Variants in KCNH5 observed in about 807,000 individuals in gnomAD.
KCNH5 encodes voltage-gated delayed rectifier potassium channel KCNH5.
Under a neutral mutation model 96.1 loss-of-function variants are expected in KCNH5, and 46 were observed. The observed-to-expected ratio is 0.48, with a 90% confidence interval of 0.38 to 0.61. The LOEUF (loss-of-function observed/expected upper bound fraction) is 0.61, where lower values mean the gene tolerates loss of function less well. Ranked by LOEUF, KCNH5 falls within the 20% of genes least tolerant of loss-of-function variation. The pLI, the probability that KCNH5 is intolerant of heterozygous loss-of-function variation, is 0.00. For synonymous variants in KCNH5, 439 were observed against 449.8 expected (o/e 0.98, Z 0.30); for missense variants, 907 against 1,225.8 (o/e 0.74, Z 3.88).
chr14:62,747,816 A>G (rs1885410627), intron 10 of KCNH5, among the ~76,000 whole-genome samples: 1 of 152,244 alleles, frequency 6.6e-6, no homozygotes, highest in Non-Finnish European at 1.5e-5. Flanking sequence ...GATACTACTC[A>G]TAACAGAGGT....
At chr14:62,788,281 C>T (rs748416312) in intron 9 of KCNH5, among the ~76,000 whole-genome samples, 12 of 152,052 alleles carry the variant, frequency 7.9e-5, no homozygotes, top group South Asian at 2.1e-4. Flanking sequence ...GATGTAGAAA[C>T]GGCAAGACAA....
At chr14:62,846,518 T>A (rs1887694343) in intron 8 of KCNH5, among the ~76,000 whole-genome samples, 1 of 151,880 alleles carries the variant, frequency 6.6e-6, no homozygotes, top group Admixed American at 6.5e-5. Flanking sequence ...CTTGTTTTTT[T>A]GCATTTAATT....
chr14:62,751,413 T>C (rs956821173), intron 10 of KCNH5, among the ~76,000 whole-genome samples: 2 of 152,200 alleles, frequency 1.3e-5, no homozygotes, highest in South Asian at 2.1e-4. Flanking sequence ...AAGGCTCCTC[T>C]AGAGATATGC....
chr14:62,803,103 G>T (rs1038372895), intron 8 of KCNH5, among the ~76,000 whole-genome samples: 6 of 152,122 alleles, frequency 3.9e-5, no homozygotes, highest in Non-Finnish European at 8.8e-5. Flanking sequence ...GTGAGCCAAG[G>T]TCGTGCCACT....
At position 62,950,332 on chromosome 14, in the gene KCNH5, G is replaced by C; in HGVS notation, c.1170C>G (p.Tyr390Ter). Reference protein sequence around the residue: ...TNTIQIDSWLYQLALSIGTPY... With the variant: ...TNTIQIDSWL Reference sequence around the variant, plus strand: ...GAGTCCCAATGCTCAAAGCCAGCTGGTAGAGCCAACTGTCTATTTGGATGG... The same window carrying C: ...GAGTCCCAATGCTCAAAGCCAGCTGCTAGAGCCAACTGTCTATTTGGATGG... Residue 390 changes from tyrosine to a stop codon, truncating the protein, a stop_gained, in exon 7 of 11, where the codon TAC becomes TAG. Transcript: ENST00000322893. LOFTEE classifies it high-confidence loss of function. 6.2e-7 allele frequency: 1 copy of C among 1,613,988 alleles called. No individual in the cohort carries two copies. Among genetic ancestry groups the C allele is most frequent in the Non-Finnish European group, 8.5e-7 (1 of 1,179,966 alleles).
At chr14:62,862,368 T>C (rs1395620051) in intron 7 of KCNH5, among the ~76,000 whole-genome samples, 1 of 152,200 alleles carries the variant, frequency 6.6e-6, no homozygotes, top group Middle Eastern at 3.2e-3. Flanking sequence ...TGAGAAATCA[T>C]GTCTTAATAT....
chr14:62,914,581 C>G (rs17223741), intron 7 of KCNH5, among the ~76,000 whole-genome samples: 3,870 of 152,212 alleles, frequency 0.025, 142 homozygotes, highest in East Asian at 0.086. Flanking sequence ...TCTCTCTTCT[C>G]ACATTTACAT....
chr14:62,862,001 C>T (rs1888044805), intron 7 of KCNH5, among the ~76,000 whole-genome samples: 1 of 152,146 alleles, frequency 6.6e-6, no homozygotes, highest in Non-Finnish European at 1.5e-5. Context: ...TATGGCTCTT[C>T]TCTGTTTATT....
intron 9 of KCNH5, among the ~76,000 whole-genome samples, chr14:62,799,866 T>C (rs1037702576): frequency 4.9e-5 from 7 of 144,296 alleles, no homozygotes; most frequent in Non-Finnish European, 9.0e-5. Context: ...ATTTAATATA[T>C]ATATAATCCC....
chr14:62,855,254 G>C (rs1049843495), intron 7 of KCNH5, among the ~76,000 whole-genome samples: 5 of 152,068 alleles, frequency 3.3e-5, no homozygotes, highest in Non-Finnish European at 1.5e-5. Flanking sequence ...TAACACTTAC[G>C]ACTATGTAGG....
chr14:62,827,191 A>G (rs537997869), intron 8 of KCNH5, among the ~76,000 whole-genome samples: 72 of 152,306 alleles, frequency 4.7e-4, no homozygotes, highest in African/African-American at 1.7e-3. Context: ...ACAGGTGTTT[A>G]TATTTGCAAA....
chr14:62,746,421 T>C (rs1885376668), intron 10 of KCNH5, among the ~76,000 whole-genome samples: 1 of 152,220 alleles, frequency 6.6e-6, no homozygotes. Context: ...AAAAGAATTA[T>C]AATAAAACAT....
At chr14:63,021,913 C>T (rs1373988826) in intron 1 of KCNH5, among the ~76,000 whole-genome samples, 1 of 152,096 alleles carries the variant, frequency 6.6e-6, no homozygotes, top group Non-Finnish European at 1.5e-5. Flanking sequence ...CATTAGAGTG[C>T]CTTCTTTACC....
At chr14:62,818,087 G>T (rs72728762) in intron 8 of KCNH5, among the ~76,000 whole-genome samples, 11 of 137,446 alleles carry the variant, frequency 8.0e-5, no homozygotes, top group Non-Finnish European at 1.4e-4. Flanking sequence ...CAGGGTAAAG[G>T]GTGGCTACCA....
intron 1 of KCNH5, among the ~76,000 whole-genome samples, chr14:63,027,452 A>G (rs545064187): frequency 1.3e-5 from 2 of 150,410 alleles, no homozygotes; most frequent in South Asian, 2.1e-4. Flanking sequence ...TTCCTAGACT[A>G]TCTTTTTAAA....
intron 7 of KCNH5, among the ~76,000 whole-genome samples, chr14:62,892,133 G>C (rs935674168): frequency 2.0e-5 from 3 of 152,142 alleles, no homozygotes; most frequent in African/African-American, 7.2e-5. Context: ...CCAAAAGCTA[G>C]GCTTCTTGCA....
chr14:62,716,546 G>A (rs1276233111), intron 10 of KCNH5, among the ~76,000 whole-genome samples: 1 of 152,090 alleles, frequency 6.6e-6, no homozygotes, highest in Non-Finnish European at 1.5e-5. Context: ...TGCATATACT[G>A]TTCCCCTTCT....
At chr14:62,855,480 C>T (rs1417704508) in intron 7 of KCNH5, among the ~76,000 whole-genome samples, 1 of 152,072 alleles carries the variant, frequency 6.6e-6, no homozygotes, top group Non-Finnish European at 1.5e-5. Context: ...TAAGTCATAC[C>T]CTCATAGCCC....
chr14:62,829,718 G>T (rs527456637), intron 8 of KCNH5, among the ~76,000 whole-genome samples: 9 of 152,288 alleles, frequency 5.9e-5, no homozygotes, highest in African/African-American at 2.2e-4. Context: ...CTGCCCTGAA[G>T]ATCTCCGAAA....
Sources: allele counts gnomAD v4.1 joint callset (sites outside exome capture counted in the v4.1 genomes callset), GRCh38; gene constraint gnomAD v4.1.1; transcripts MANE v1.5; gene names NCBI Gene and HGNC (gene_info 2026-07-23, HGNC 2026-07-21).